Variants in WDFY4 observed in about 807,000 individuals in gnomAD.
WDFY4 encodes WD repeat- and FYVE domain-containing protein 4.
A neutral mutation model predicts 351.9 loss-of-function variants in WDFY4; 169 were observed. That is an observed-to-expected ratio of 0.48 (90% confidence interval 0.42 to 0.55). WDFY4 has a LOEUF of 0.55. Ranked by LOEUF, WDFY4 falls within the 20% of genes least tolerant of loss-of-function variation. The pLI, the probability that WDFY4 is intolerant of heterozygous loss-of-function variation, is 0.00. For synonymous variants in WDFY4, 1,622 were observed against 1,574.6 expected, an observed-to-expected ratio of 1.03 and a Z score of -0.71; for missense variants, 3,803 against 3,935.6, an observed-to-expected ratio of 0.97 and a Z score of 0.90.
intron 56 of WDFY4, 38 bp from the exon 57 acceptor site, chr10:48,970,093 G>C: frequency 6.5e-7 from 1 of 1,546,724 alleles, no homozygotes; most frequent in Non-Finnish European, 8.7e-7. Context: ...TGTCCCTGCT[G>C]TCTCCACAGC....
At chr10:48,884,914 G>A (rs910501025) in intron 43 of WDFY4, among the ~76,000 whole-genome samples, 3 of 152,054 alleles carry the variant, frequency 2.0e-5, no homozygotes, top group Non-Finnish European at 4.4e-5. Context: ...TTTCTTTCCT[G>A]TTAGGTTGTA....
In WDFY4 at chr10:48,966,687, C is replaced by T; in HGVS notation, c.8584+14C>T. On this transcript the variant is annotated intron_variant, in intron 55 of 61. Coordinates refer to ENST00000325239, the MANE Select transcript of WDFY4 (RefSeq NM_001394531.1). Reference sequence around the variant, plus strand: ...TCACGGTCAAAGGTGATTCCCTGGCCATGCATTGTTTGGTGTCCTGTCCCA... The same window carrying T: ...TCACGGTCAAAGGTGATTCCCTGGCTATGCATTGTTTGGTGTCCTGTCCCA... 6.5e-7 allele frequency: 1 copy of T among 1,550,126 alleles called. No individual in the cohort carries two copies. Among genetic ancestry groups the T allele is most frequent in the Non-Finnish European group, 8.7e-7 (1 of 1,146,102 alleles).
At chr10:48,795,837 G>T (rs2066856451) in intron 23 of WDFY4, among the ~76,000 whole-genome samples, 1 of 152,114 alleles carries the variant, frequency 6.6e-6, no homozygotes, top group Non-Finnish European at 1.5e-5. Flanking sequence ...CCAAATGTAT[G>T]CTGGGACCCA....
chr10:48,737,140 G>C (rs1478154077), intron 11 of WDFY4, among the ~76,000 whole-genome samples: 1 of 152,056 alleles, frequency 6.6e-6, no homozygotes, highest in Non-Finnish European at 1.5e-5. Context: ...CTCCTAAGTA[G>C]CTAGAACTAT....
In WDFY4 at chr10:48,775,795, C is replaced by G; in HGVS notation, c.2852C>G (p.Pro951Arg). 6.4e-7 allele frequency: 1 copy of G among 1,551,668 alleles called. No individual in the cohort carries two copies. The highest frequency in any genetic ancestry group is 8.7e-7 in the Non-Finnish European group (1 of 1,146,958). Residue 951 changes from proline (P) to arginine (R), a missense_variant, in exon 15 of 62, where the codon CCT becomes CGT. Pro to Arg is a moderately radical substitution (Grantham distance 103, BLOSUM62 -2). Coordinates refer to ENST00000325239, the MANE Select transcript of WDFY4 (RefSeq NM_001394531.1). ...LDSSHTHRGNPGCSGSQTAQG... is the reference protein window; with the variant it reads ...LDSSHTHRGNRGCSGSQTAQG... Reference sequence around the variant, plus strand: ...TCATCTCACACACACAGAGGCAACCCTGGGTGCTCAGGTGAGGACAGTGGC... The same window carrying G: ...TCATCTCACACACACAGAGGCAACCGTGGGTGCTCAGGTGAGGACAGTGGC...
At chr10:48,896,518 A>G (rs945728409) in intron 44 of WDFY4, among the ~76,000 whole-genome samples, 2 of 152,024 alleles carry the variant, frequency 1.3e-5, no homozygotes, top group African/African-American at 4.8e-5. Flanking sequence ...AGCCTCACTC[A>G]CCTCTGAAGA....
chr10:48,975,061 G>A lies in WDFY4; in HGVS notation c.9108+20G>A. 6.4e-7 allele frequency: 1 copy of A among 1,551,718 alleles called. No individual in the cohort carries two copies. Among genetic ancestry groups the A allele is most frequent in the South Asian group, 1.2e-5 (1 of 84,056 alleles). On this transcript the variant is annotated intron_variant, in intron 58 of 61. Coordinates refer to ENST00000325239, the MANE Select transcript of WDFY4 (RefSeq NM_001394531.1). The stretch of plus-strand genomic sequence containing the variant: ...GTCTCAGTAAGTCTCCTGTTTCTCA[G>A]TGTCCGTGTCCTCACCTTCGCAGTA...
intron 47 of WDFY4, among the ~76,000 whole-genome samples, chr10:48,929,796 C>T (rs530120344): frequency 1.3e-5 from 2 of 152,264 alleles, no homozygotes; most frequent in East Asian, 3.9e-4. Context: ...CCTCTTCCGG[C>T]TGGGCTGACA....
At chr10:48,719,894 A>G (rs980752908) in intron 2 of WDFY4, 117 bp from the exon 3 acceptor site, 6 of 893,222 alleles carry the variant, frequency 6.7e-6, no homozygotes, top group Non-Finnish European at 8.8e-6. Flanking sequence ...TTTTGCATGC[A>G]CCTGGGAAAG....
At chr10:48,739,247 G>C (rs1288465221) in intron 11 of WDFY4, among the ~76,000 whole-genome samples, 2 of 152,202 alleles carry the variant, frequency 1.3e-5, no homozygotes, top group African/African-American at 4.8e-5. Context: ...CTTTACAGCA[G>C]ACATCCATTT....
chr10:48,943,216 G>C (rs1564516955), intron 48 of WDFY4, 114 bp from the exon 49 acceptor site: 1 of 1,272,796 alleles, frequency 7.9e-7, no homozygotes, highest in Admixed American at 2.4e-5. Context: ...GGGGCTGGCT[G>C]CCTGTCCTCA....
chr10:48,857,367 T>A (rs917656668), intron 39 of WDFY4, among the ~76,000 whole-genome samples: 1 of 151,868 alleles, frequency 6.6e-6, no homozygotes, highest in African/African-American at 2.4e-5. Flanking sequence ...AAGCTCTTGG[T>A]GGTGGGGAAT....
In WDFY4 at chr10:48,731,349, T is replaced by C; in HGVS notation, c.1369T>C (p.Phe457Leu). The C allele has an allele frequency of 1.3e-6, 2 of 1,551,784 alleles. No individual in the cohort carries two copies. The highest frequency in any genetic ancestry group is 1.7e-4 in the Middle Eastern group (1 of 5,992). The change falls in exon 9 of 62, where the codon TTC becomes CTC. Residue 457 changes from phenylalanine (F) to leucine (L), a missense_variant. By Grantham distance (22) the Phe-to-Leu change is conservative. Transcript: ENST00000325239. ...CTTCCAGCTTCTAGAGGCCCTGGTGTTCGAGCTGCACTACGTGCCTCATGA... is the reference window on the plus strand; with the variant it reads ...CTTCCAGCTTCTAGAGGCCCTGGTGCTCGAGCTGCACTACGTGCCTCATGA... Reference protein sequence around the residue: ...HFFQLLEALVFELHYVPHEIL... With the variant: ...HFFQLLEALVLELHYVPHEIL...
chr10:48,704,829 T>A (rs2063581481), intron 1 of WDFY4, among the ~76,000 whole-genome samples: 1 of 152,242 alleles, frequency 6.6e-6, no homozygotes, highest in Non-Finnish European at 1.5e-5. Context: ...AGCTTTGCTG[T>A]CACTGGATAT....
chr10:48,786,497 G>T lies in WDFY4; in HGVS notation c.3577-142G>T. The T allele has an allele frequency of 4.7e-6, 3 of 636,256 alleles. No homozygotes were observed. The South Asian group carries it at 7.8e-5, about 16-fold the overall frequency. 39.4% of individuals were successfully genotyped at this position (636,256 alleles called of 1,614,324 possible). A position where few individuals can be genotyped will look rare whatever the true frequency, so the allele number is the denominator to read the frequency against. On this transcript the variant is annotated intron_variant, in intron 19 of 61. Transcript: ENST00000325239. ...TGTTTTGCGCATACTTCTGAGATTT[G>T]AGAATTATATTTTAGTTTTTTAGAT...
chr10:48,913,182 G>A (rs1248808047), intron 47 of WDFY4, among the ~76,000 whole-genome samples: 2 of 152,144 alleles, frequency 1.3e-5, no homozygotes, highest in East Asian at 1.9e-4. Flanking sequence ...TGTGTGCAGA[G>A]GACAGAGAAA....
chr10:48,782,439 G>A (rs1269308142), intron 19 of WDFY4, among the ~76,000 whole-genome samples: 1 of 152,212 alleles, frequency 6.6e-6, no homozygotes. Flanking sequence ...AACATGACTG[G>A]CTGCTAGTGT....
In WDFY4 at chr10:48,796,372, T is replaced by C. The variant is rs1377245462; in HGVS notation, c.4332T>C (p.Ala1444=). Residue 1444 remains alanine (A), a synonymous_variant, in exon 24 of 62, where the codon GCT becomes GCC. Transcript: ENST00000325239. ...HRIFQLILSV[A]GTVELGFRSS... is the part of the protein sequence containing the mutation. Reference sequence around the variant, plus strand: ...TTTTTCAGCTGATCCTCTCAGTGGCTGGCACTGTGGAGCTGGGCTTCAGGT... The same window carrying C: ...TTTTTCAGCTGATCCTCTCAGTGGCCGGCACTGTGGAGCTGGGCTTCAGGT... The C allele has an allele frequency of 6.4e-7, 1 of 1,552,206 alleles. No homozygotes were observed. Among genetic ancestry groups the C allele is most frequent in the Non-Finnish European group, 8.7e-7 (1 of 1,147,138 alleles).
chr10:48,778,689 C>T lies in WDFY4; in HGVS notation c.3254C>T (p.Thr1085Ile). 2 of 1,551,722 alleles carry T rather than the reference C, an allele frequency of 1.3e-6. No homozygotes were observed. Among genetic ancestry groups the T allele is most frequent in the East Asian group, 4.9e-5 (2 of 40,920 alleles). Reference protein sequence around the residue: ...WFLISRHGAATEGHPLRFLTL... With the variant: ...WFLISRHGAAIEGHPLRFLTL... Reference sequence around the variant, plus strand: ...CTGATCAGCCGGCATGGAGCTGCCACTGAGGGCCACCCGCTGCGCTTCCTG... The same window carrying T: ...CTGATCAGCCGGCATGGAGCTGCCATTGAGGGCCACCCGCTGCGCTTCCTG... The change falls in exon 18 of 62, where the codon ACT becomes ATT. Residue 1085 changes from threonine to isoleucine, a missense_variant. Around this residue, in one of 3 missense-constraint regions of WDFY4, gnomAD observed 3,054 missense variants for 3,148.6 expected, o/e 0.97. Transcript: ENST00000325239.
Sources: gnomAD v4.1 joint callset for allele counts (sites outside exome capture counted in the v4.1 genomes callset) on GRCh38, gnomAD v4.1.1 for gene constraint, gnomAD v4.1.1 regional missense constraint, MANE v1.5 for transcripts, NCBI Gene and HGNC (gene_info 2026-07-23, HGNC 2026-07-21) for gene names.